The following PPP1R37 variants were observed in gnomAD, a reference collection of about 807,000 sequenced individuals.
PPP1R37 encodes the protein leucine rich repeat containing 68.
A neutral mutation model predicts 61.0 loss-of-function variants in PPP1R37; 21 were observed. The ratio of observed to expected loss-of-function variants is 0.34; its 90% CI spans 0.24 to 0.50. The LOEUF (loss-of-function observed/expected upper bound fraction) is 0.50. Among genes scored for constraint, PPP1R37 ranks in the 20% least tolerant of loss-of-function variants. The probability of loss-of-function intolerance (pLI) is 0.98; values close to 1 mark genes in which losing one functional copy is unlikely to be tolerated. For synonymous variants in PPP1R37, 443 were observed against 433.5 expected (o/e 1.02, Z -0.27); for missense variants, 910 against 952.7 (o/e 0.96, Z 0.59).
intron 2 of PPP1R37, among the ~76,000 whole-genome samples, chr19:45,139,490 G>A (rs1413111936): frequency 1.3e-5 from 2 of 152,154 alleles, no homozygotes; most frequent in Non-Finnish European, 2.9e-5. Context: ...TGTGGGCCCC[G>A]GCCTGGCGCC....
chr19:45,122,971 C>T (rs1391976354), intron 1 of PPP1R37, among the ~76,000 whole-genome samples: 1 of 152,222 alleles, frequency 6.6e-6, no homozygotes, highest in African/African-American at 2.4e-5. Flanking sequence ...GCCTCCTGCA[C>T]CTGCACTTTC....
rs541261405 is a variant in PPP1R37 at position 45,103,457 on chromosome 19, G to A, written c.202+9930G>A. ...CTGGCGCTTGGGACCCGCCGGGGTC[G>A]GACTCGTGTGCCACCTTCACACCCA... On this transcript the variant is annotated intron_variant, in intron 1 of 12. Coordinates refer to ENST00000221462, the MANE Select transcript of PPP1R37 (RefSeq NM_019121.2). Among the ~76,000 whole-genome samples the A allele has an allele frequency of 4.6e-5, 7 of 152,300 alleles. No homozygotes were observed. In the South Asian group the frequency reaches 8.3e-4, roughly 18 times the overall value.
chr19:45,135,462 C>G (rs1397865121), intron 1 of PPP1R37, among the ~76,000 whole-genome samples: 1 of 152,254 alleles, frequency 6.6e-6, no homozygotes, highest in Non-Finnish European at 1.5e-5. Flanking sequence ...ACTTTCTCCA[C>G]AAACGATTTA....
At chr19:45,131,286 C>A (rs938610379) in intron 1 of PPP1R37, among the ~76,000 whole-genome samples, 1 of 152,170 alleles carries the variant, frequency 6.6e-6, no homozygotes, top group Admixed American at 6.5e-5. Flanking sequence ...AGGCCCTGCC[C>A]GCCAGCTGCT....
chr19:45,145,539 G>A lies in PPP1R37; in HGVS notation c.1483G>A (p.Gly495Arg), dbSNP rs1356083489. 3.3e-6 allele frequency: 5 copies of A among 1,534,666 alleles called. No homozygotes were observed. The highest frequency in any genetic ancestry group is 1.2e-5 in the South Asian group (1 of 83,962). Residue 495 changes from glycine to arginine, a missense_variant, in exon 11 of 13, where the codon GGG becomes AGG. Transcript: ENST00000221462. ...CGAGCCCGCCGCTGGGGTGCAGAAC[G>A]GGGCCCCCAGCCCCGCACCCAGCCC... ...DDEPAAGVQN[G>R]APSPAPSPDS...
chr19:45,095,719 C>T (rs1017527793), intron 1 of PPP1R37, among the ~76,000 whole-genome samples: 2 of 148,926 alleles, frequency 1.3e-5, no homozygotes, highest in Admixed American at 6.7e-5. Context: ...ACTGTGATTG[C>T]GCCACTGAAC....
rs556494182 is a variant in PPP1R37, at chr19:45,113,900, G to A, written c.202+20373G>A. Among the ~76,000 whole-genome samples the A allele has an allele frequency of 2.0e-5, 3 of 152,338 alleles. No homozygotes were observed. The East Asian group carries it at 5.8e-4, about 29-fold the overall frequency. ...TCAGCGTTTCAGAGCCCGGGGGCAG[G>A]TGGAGGCAGCAGGTGGGGTGGTGAC... On this transcript the variant is annotated intron_variant, in intron 1 of 12. Transcript: ENST00000221462.
At chr19:45,122,841 C>T (rs1185097390) in intron 1 of PPP1R37, among the ~76,000 whole-genome samples, 1 of 152,136 alleles carries the variant, frequency 6.6e-6, no homozygotes, top group African/African-American at 2.4e-5. Context: ...CTCCCATGTG[C>T]ATGCTTTGCC....
At chr19:45,099,220 A>G (rs1541926) in intron 1 of PPP1R37, among the ~76,000 whole-genome samples, 25,468 of 152,088 alleles carry the variant, frequency 0.17, 2,410 homozygotes, top group African/African-American at 0.22. Flanking sequence ...GCTTTCCCTC[A>G]GAGGCCCACT....
chr19:45,126,204 G>A (rs1212620341), intron 1 of PPP1R37, among the ~76,000 whole-genome samples: 3 of 152,252 alleles, frequency 2.0e-5, no homozygotes, highest in Non-Finnish European at 4.4e-5. Flanking sequence ...AGCCTGTGAG[G>A]TGGAACGATG....
chr19:45,123,743 A>G (rs1968368990), intron 1 of PPP1R37, among the ~76,000 whole-genome samples: 1 of 152,214 alleles, frequency 6.6e-6, no homozygotes. Flanking sequence ...CTGTGCAGGG[A>G]ATGCTTTAGG....
At position 45,130,938 on chromosome 19, in the gene PPP1R37, G is replaced by A. The variant is rs892133; in HGVS notation, c.203-7576G>A. Reference sequence around the variant, plus strand: ...ACCCTCCCACTGTGTCCCCCAGCCCGCACAGTGTTGCTTCCTGGTGTTTTG... The same window carrying A: ...ACCCTCCCACTGTGTCCCCCAGCCCACACAGTGTTGCTTCCTGGTGTTTTG... On this transcript the variant is annotated intron_variant, in intron 1 of 12. Coordinates refer to ENST00000221462, the MANE Select transcript of PPP1R37 (RefSeq NM_019121.2). The surrounding 1 kb of genome is among the most constrained non-coding windows in gnomAD (Gnocchi z 4.4). Among the ~76,000 whole-genome samples, 3 of 151,736 alleles carry A rather than the reference G, an allele frequency of 2.0e-5. No homozygotes were observed. The highest frequency in any genetic ancestry group is 2.1e-4 in the South Asian group (1 of 4,800).
chr19:45,108,636 T>C (rs1266798659), intron 1 of PPP1R37: 1 of 93,024 alleles, frequency 1.1e-5, no homozygotes, highest in Non-Finnish European at 2.2e-5. Flanking sequence ...TTGTTTTGTA[T>C]TTTTGTGGGT....
intron 1 of PPP1R37, 75 bp downstream of exon 1, chr19:45,093,602 C>A: frequency 3.4e-6 from 4 of 1,168,234 alleles, no homozygotes; most frequent in Non-Finnish European, 4.8e-6. Context: ...CAGGGCCCGG[C>A]TCGAGGTGGC....
rs572344789 is a variant in PPP1R37 at position 45,143,582 on chromosome 19, G to A, written c.936G>A (p.Leu312=). Residue 312 remains leucine (L), a synonymous_variant, in exon 8 of 13, where the codon CTG becomes CTA. Coordinates refer to ENST00000221462, the MANE Select transcript of PPP1R37 (RefSeq NM_019121.2). ...EQRKGLVTLV[L]WNNQLTHTGM... ...GGAAGGGGCTGGTGACCCTGGTGCT[G>A]TGGAACAACCAGCTCACGCACACAG... The A allele has an allele frequency of 1.3e-6, 2 of 1,536,026 alleles. No individual in the cohort carries two copies. The highest frequency in any genetic ancestry group is 4.9e-5 in the East Asian group (2 of 40,912).
intron 1 of PPP1R37, chr19:45,128,591 G>A: frequency 7.9e-7 from 1 of 1,263,694 alleles, no homozygotes; most frequent in Non-Finnish European, 1.1e-6. Flanking sequence ...TGGACTTCGA[G>A]ACAAGAGATG....
intron 1 of PPP1R37, among the ~76,000 whole-genome samples, chr19:45,101,040 G>A (rs1968056722): frequency 6.6e-6 from 1 of 152,210 alleles, no homozygotes; most frequent in South Asian, 2.1e-4. Flanking sequence ...TACGAGTCAG[G>A]GCAGAAGACA....
chr19:45,135,779 C>CTTTTTTTT (rs546534256), intron 1 of PPP1R37, among the ~76,000 whole-genome samples: 2 of 128,812 alleles, frequency 1.6e-5, no homozygotes, highest in African/African-American at 6.0e-5. Flanking sequence ...TTTGCATTTC[C>CTTTTTTTT]TTTTTTTTTT....
At chr19:45,094,174 A>T (rs973526164) in intron 1 of PPP1R37, among the ~76,000 whole-genome samples, 1 of 152,148 alleles carries the variant, frequency 6.6e-6, no homozygotes, top group Non-Finnish European at 1.5e-5. Context: ...TATTGAGACA[A>T]GGTCTCACTA....
Sources: allele counts gnomAD v4.1 joint callset (sites outside exome capture counted in the v4.1 genomes callset), GRCh38; gene constraint gnomAD v4.1.1; non-coding constraint Gnocchi (gnomAD v3.1); transcripts MANE v1.5; gene names NCBI Gene and HGNC (gene_info 2026-07-23, HGNC 2026-07-21).